The following NAV3 variants were observed in gnomAD, a reference collection of about 807,000 sequenced individuals.
NAV3 encodes the protein neuron navigator 3, also known as pore membrane and/or filament interacting like protein 1.
A neutral mutation model predicts 244.7 loss-of-function variants in NAV3; 87 were observed. The observed-to-expected ratio is 0.36, with a 90% CI of 0.30 to 0.42. The LOEUF (loss-of-function observed/expected upper bound fraction) is 0.42, where lower values mean the gene tolerates loss of function less well. Among genes scored for constraint, NAV3 ranks in the 20% least tolerant of loss-of-function variants. NAV3 has a pLI of 1.00. For synonymous variants in NAV3, 1,126 were observed against 1,042.2 expected (o/e 1.08, Z -1.55); for missense variants, 2,663 against 2,893.3 (o/e 0.92, Z 1.83).
intron 12 of NAV3, among the ~76,000 whole-genome samples, chr12:78,061,269 C>T (rs546162350): frequency 1.2e-4 from 18 of 152,224 alleles, no homozygotes; most frequent in Middle Eastern, 3.4e-3. Flanking sequence ...ATACATGTAA[C>T]GCCTAGCATA....
chr12:78,159,336 T>C (rs754246182), intron 23 of NAV3, 50 bp downstream of exon 23: 5 of 1,448,714 alleles, frequency 3.5e-6, no homozygotes, highest in South Asian at 1.1e-5. Flanking sequence ...GCAAATTGCA[T>C]AGGATTCTTA....
chr12:77,831,182 AGAG>A lies in NAV3; in HGVS notation c.-279_-277del, dbSNP rs1873600530. 1.1e-5 allele frequency: 2 copies of A among 181,610 alleles called. No homozygotes were observed. Among genetic ancestry groups the A allele is most frequent in the Admixed American group, 1.2e-4 (2 of 16,074 alleles). 11.2% of individuals were successfully genotyped at this position (181,610 alleles called of 1,614,324 possible). A position where few individuals can be genotyped will look rare whatever the true frequency, so the allele number is the denominator to read the frequency against. ...GAGAGAGAGAGACAGAGAGAGAGAG[AGAG>A]AGAGAGAGACAGAGAGAGAGAGAGA... is the stretch of plus-strand genomic sequence containing the variant. On this transcript the variant is annotated 5_prime_UTR_variant, in exon 1 of 40. Coordinates refer to ENST00000397909, the MANE Select transcript of NAV3 (RefSeq NM_001024383.2).
intron 12 of NAV3, among the ~76,000 whole-genome samples, chr12:78,104,399 A>C (rs1954696128): frequency 6.6e-6 from 1 of 152,196 alleles, no homozygotes; most frequent in African/African-American, 2.4e-5. Flanking sequence ...TGTTTAGTTA[A>C]TATTTCAGAA....
chr12:78,045,657 A>T (rs1327525598), intron 9 of NAV3, among the ~76,000 whole-genome samples: 1 of 152,106 alleles, frequency 6.6e-6, no homozygotes, highest in Admixed American at 6.5e-5. Context: ...GGATTTTTAC[A>T]TCGATGTTCA....
chr12:77,970,411 C>A (rs1457127193), intron 5 of NAV3, among the ~76,000 whole-genome samples: 2 of 152,090 alleles, frequency 1.3e-5, no homozygotes, highest in Non-Finnish European at 2.9e-5. Context: ...ACCAACCAAC[C>A]CTCATATGGA....
intron 9 of NAV3, among the ~76,000 whole-genome samples, chr12:78,047,971 G>T (rs543857253): frequency 1.3e-5 from 2 of 151,692 alleles, no homozygotes; most frequent in Admixed American, 1.3e-4. Context: ...CTTCAATCTC[G>T]GATATCCTTC....
chr12:77,607,548 C>A lies in NAV3; in HGVS notation c.72+35282C>A, dbSNP rs368789351. Among the ~76,000 whole-genome samples, 12 of 152,126 alleles carry A rather than the reference C, an allele frequency of 7.9e-5. No individual in the cohort carries two copies. The South Asian group carries it at 2.5e-3, about 32-fold the overall frequency. The stretch of plus-strand genomic sequence containing the variant: ...CATTTACATTTTGAAAGGAGATGGA[C>A]GTTTCTTAAATTGCCTAAGAGAGGG... On this transcript the variant is annotated intron_variant, in intron 2 of 8. Transcript: ENST00000550042.
At chr12:77,572,783 A>G (rs1333731839) in intron 2 of NAV3, among the ~76,000 whole-genome samples, 5 of 152,364 alleles carry the variant, frequency 3.3e-5, no homozygotes, top group African/African-American at 4.8e-5. Context: ...TTGATTCTAC[A>G]TGATGTCAAA....
chr12:78,033,562 A>G (rs541642399), intron 9 of NAV3, among the ~76,000 whole-genome samples: 1 of 152,110 alleles, frequency 6.6e-6, no homozygotes, highest in Non-Finnish European at 1.5e-5. Context: ...AGCAAGCAGG[A>G]TGGCGCTCTC....
At chr12:77,816,334 A>G (rs1872526542) in intron 2 of NAV3, among the ~76,000 whole-genome samples, 2 of 152,134 alleles carry the variant, frequency 1.3e-5, no homozygotes, top group Non-Finnish European at 2.9e-5. Context: ...TAGAGAGAGG[A>G]ACACTTGACA....
chr12:77,863,290 A>G (rs556666021), intron 1 of NAV3, among the ~76,000 whole-genome samples: 1 of 152,002 alleles, frequency 6.6e-6, no homozygotes, highest in African/African-American at 2.4e-5. Flanking sequence ...GATTGTTACA[A>G]TAAACCGTCT....
In NAV3 at chr12:78,118,156, G is replaced by A. The variant is rs1322494573; in HGVS notation, c.2899G>A (p.Gly967Arg). The A allele has an allele frequency of 2.5e-6, 4 of 1,614,004 alleles. No individual in the cohort carries two copies. The highest frequency in any genetic ancestry group is 3.4e-6 in the Non-Finnish European group (4 of 1,180,002). ...AGGKWKTVSSGLPEDPEKAGQ... is the reference protein window; with the variant it reads ...AGGKWKTVSSRLPEDPEKAGQ... The stretch of plus-strand genomic sequence containing the variant: ...TGGCAAGTGGAAGACTGTGTCCTCT[G>A]GACTTCCTGAAGACCCCGAGAAGGC... The change falls in exon 14 of 40, where the codon GGA becomes AGA. Residue 967 changes from glycine (G) to arginine (R), a missense_variant. By Grantham distance (125) the Gly-to-Arg change is moderately radical (BLOSUM62 -2). Around this residue, in one of 6 missense-constraint regions of NAV3, gnomAD observed 1,521 missense variants for 1,497.0 expected, o/e 1.02. Coordinates refer to ENST00000397909, the MANE Select transcript of NAV3 (RefSeq NM_001024383.2).
Position 78,140,269 on chromosome 12 carries a change from T to A in NAV3, c.4631-13T>A. The A allele has an allele frequency of 6.2e-7, 1 of 1,612,120 alleles. No homozygotes were observed. Among genetic ancestry groups the A allele is most frequent in the Non-Finnish European group, 8.5e-7 (1 of 1,178,388 alleles). On this transcript the variant is annotated splice_polypyrimidine_tract_variant and intron_variant, in intron 19 of 39. Coordinates refer to ENST00000397909, the MANE Select transcript of NAV3 (RefSeq NM_001024383.2). ...TATTGTTTTAACTCTATTGTTCTGT[T>A]TGTTTTCTCCAGTTCATGGCTCTTC... is the stretch of plus-strand genomic sequence containing the variant.
At chr12:77,965,263 T>C (rs1892408787) in intron 3 of NAV3, among the ~76,000 whole-genome samples, 1 of 152,212 alleles carries the variant, frequency 6.6e-6, no homozygotes, top group South Asian at 2.1e-4. Context: ...TTTTTATTTT[T>C]TTATTTTTTT....
intron 12 of NAV3, among the ~76,000 whole-genome samples, chr12:78,098,280 T>G (rs1954361245): frequency 6.6e-6 from 1 of 152,054 alleles, no homozygotes; most frequent in African/African-American, 2.4e-5. Flanking sequence ...TTAAAAGGCT[T>G]GAATTTCTTG....
intron 2 of NAV3, among the ~76,000 whole-genome samples, chr12:77,796,449 C>T (rs540364099): frequency 9.2e-5 from 14 of 152,122 alleles, no homozygotes; most frequent in Non-Finnish European, 1.2e-4. Context: ...TTTCTTGAAA[C>T]ACAGTCTATT....
intron 12 of NAV3, among the ~76,000 whole-genome samples, chr12:78,079,718 C>T (rs968072209): frequency 6.6e-6 from 1 of 152,126 alleles, no homozygotes; most frequent in African/African-American, 2.4e-5. Flanking sequence ...CTGGATACCC[C>T]AGTGCCCTGG....
At chr12:77,835,219 C>T (rs1874422613) in intron 1 of NAV3, among the ~76,000 whole-genome samples, 3 of 152,106 alleles carry the variant, frequency 2.0e-5, no homozygotes, top group Admixed American at 2.0e-4. Context: ...ACACTGGCCT[C>T]GTTATAGTTC....
chr12:77,779,490 T>C (rs562197038), intron 2 of NAV3, among the ~76,000 whole-genome samples: 1 of 152,324 alleles, frequency 6.6e-6, no homozygotes, highest in East Asian at 1.9e-4. Context: ...TCAATGTGAA[T>C]AAAGTATGAA....
Sources: gnomAD v4.1 joint callset for allele counts (sites outside exome capture counted in the v4.1 genomes callset) on GRCh38, gnomAD v4.1.1 for gene constraint, gnomAD v4.1.1 regional missense constraint, MANE v1.5 for transcripts, NCBI Gene and HGNC (gene_info 2026-07-23, HGNC 2026-07-21) for gene names.